The following GRM7 variants were observed in gnomAD, a reference collection of about 807,000 sequenced individuals.
The protein encoded by GRM7 is glutamate metabotropic receptor 7, also known as metabotropic glutamate receptor 7.
In GRM7, 35 loss-of-function variants were observed where a neutral mutation model predicts 84.5. That is an observed-to-expected ratio of 0.41 (90% CI 0.32 to 0.55). The LOEUF (loss-of-function observed/expected upper bound fraction) is 0.55. Ranked by LOEUF, GRM7 falls within the 20% of genes least tolerant of loss-of-function variation. GRM7 has a pLI of 0.19. For synonymous variants in GRM7, 487 were observed against 455.1 expected (o/e 1.07, Z -0.89); for missense variants, 1,003 against 1,194.6 (o/e 0.84, Z 2.36).
At chr3:7,111,786 A>G (rs1243473867) in intron 1 of GRM7, among the ~76,000 whole-genome samples, 1 of 152,156 alleles carries the variant, frequency 6.6e-6, no homozygotes, top group Non-Finnish European at 1.5e-5. Flanking sequence ...CATTTTGGGA[A>G]AAAATCATTT....
intron 5 of GRM7, among the ~76,000 whole-genome samples, chr3:7,432,443 C>T (rs952118270): frequency 1.4e-4 from 21 of 152,246 alleles, no homozygotes; most frequent in African/African-American, 4.3e-4. Context: ...GCCTCAGCCT[C>T]CCGAGTAGCT....
At chr3:6,964,337 T>C (rs1440896488) in intron 1 of GRM7, among the ~76,000 whole-genome samples, 2 of 152,106 alleles carry the variant, frequency 1.3e-5, no homozygotes, top group Non-Finnish European at 2.9e-5. Context: ...TATCATTGTA[T>C]CCTCACTTGG....
chr3:7,042,355 C>A (rs1258842528), intron 1 of GRM7, among the ~76,000 whole-genome samples: 1 of 152,102 alleles, frequency 6.6e-6, no homozygotes, highest in Non-Finnish European at 1.5e-5. Flanking sequence ...GATCACAGGG[C>A]ACAGAAGTAT....
rs957540837 is a variant in GRM7 at position 7,277,183 on chromosome 3, C to T, written c.737-21501C>T. Among the ~76,000 whole-genome samples the T allele has an allele frequency of 7.9e-5, 12 of 152,122 alleles. No homozygotes were observed. In the South Asian group the frequency reaches 1.5e-3, roughly 18 times the overall value. ...CAATTTTAACCTCAGATTGCTTTCTCACAAAGACTTTATCCTTTCACACTT... is the reference window on the plus strand; with the variant it reads ...CAATTTTAACCTCAGATTGCTTTCTTACAAAGACTTTATCCTTTCACACTT... On this transcript the variant is annotated intron_variant, in intron 2 of 9. Coordinates refer to ENST00000357716, the MANE Select transcript of GRM7 (RefSeq NM_000844.4).
intron 2 of GRM7, among the ~76,000 whole-genome samples, chr3:7,286,225 T>G (rs1699426461): frequency 6.6e-6 from 1 of 152,180 alleles, no homozygotes; most frequent in African/African-American, 2.4e-5. Context: ...GATTACATGT[T>G]TTTCTTAATA....
intron 7 of GRM7, among the ~76,000 whole-genome samples, chr3:7,531,314 G>T (rs1335170951): frequency 6.6e-6 from 1 of 151,972 alleles, no homozygotes; most frequent in Non-Finnish European, 1.5e-5. Flanking sequence ...TCTCTGTTTT[G>T]GTACCAGTAC....
intron 6 of GRM7, among the ~76,000 whole-genome samples, chr3:7,454,664 A>C (rs966985811): frequency 6.6e-6 from 1 of 152,132 alleles, no homozygotes; most frequent in Non-Finnish European, 1.5e-5. Flanking sequence ...ATAATTATAT[A>C]TATTGCGGAT....
intron 1 of GRM7, among the ~76,000 whole-genome samples, chr3:7,016,877 C>A (rs1695585425): frequency 6.6e-6 from 1 of 152,162 alleles, no homozygotes; most frequent in South Asian, 2.1e-4. Context: ...AGAATCTAGA[C>A]TCTGGCAATT....
intron 4 of GRM7, among the ~76,000 whole-genome samples, chr3:7,403,956 C>T (rs1043511204): frequency 3.3e-5 from 5 of 151,876 alleles, no homozygotes; most frequent in African/African-American, 1.2e-4. Context: ...TGAAATTGCA[C>T]AATCGTATAG....
At chr3:6,929,224 G>GCAT (rs1697410425) in intron 1 of GRM7, among the ~76,000 whole-genome samples, 1 of 152,092 alleles carries the variant, frequency 6.6e-6, no homozygotes, top group African/African-American at 2.4e-5. Context: ...GCAAGAGGGC[G>GCAT]CATATTCATT....
In GRM7 at chr3:7,561,529, T is replaced by G. The variant is rs73809212; in HGVS notation, c.1516-16893T>G. 3,396 of 456,582 alleles carry G rather than the reference T, an allele frequency of 7.4e-3. 68 individuals are homozygous for G. Among genetic ancestry groups the G allele is most frequent in the South Asian group, 0.038 (2,430 of 64,550 alleles). 28.3% of individuals were successfully genotyped at this position (456,582 alleles called of 1,614,324 possible). On this transcript the variant is annotated intron_variant, in intron 7 of 9. Transcript: ENST00000357716. ...GACCATTTGTGCCTGCTACAGAATG[T>G]TGGCATGGAAAGTCCTTCCAGGACA...
intron 2 of GRM7, among the ~76,000 whole-genome samples, chr3:7,278,751 T>A (rs1425039109): frequency 6.6e-6 from 1 of 151,986 alleles, no homozygotes; most frequent in East Asian, 1.9e-4. Context: ...AGTATAGGAG[T>A]GAATCTGCAA....
At chr3:7,087,646 G>A (rs1698506676) in intron 1 of GRM7, among the ~76,000 whole-genome samples, 1 of 152,122 alleles carries the variant, frequency 6.6e-6, no homozygotes, top group South Asian at 2.1e-4. Context: ...AAAGCCTTCA[G>A]TACAGAGATG....
chr3:7,297,401 A>G (rs1699850539), intron 2 of GRM7, among the ~76,000 whole-genome samples: 1 of 152,208 alleles, frequency 6.6e-6, no homozygotes, highest in Admixed American at 6.5e-5. Flanking sequence ...TATGGCTCAA[A>G]ATATGGTCTA....
chr3:6,893,691 A>G (rs1225588977), intron 1 of GRM7, among the ~76,000 whole-genome samples: 2 of 152,190 alleles, frequency 1.3e-5, no homozygotes, highest in Admixed American at 6.6e-5. Flanking sequence ...AACATTTACT[A>G]ACACCCACAC....
intron 7 of GRM7, among the ~76,000 whole-genome samples, chr3:7,507,846 C>T (rs369389655): frequency 3.0e-4 from 46 of 152,012 alleles, no homozygotes; most frequent in Non-Finnish European, 3.4e-4. Context: ...ATTTTTATGC[C>T]TTAATGTGGT....
chr3:7,731,433 A>G (rs1702328267), intron 9 of GRM7, among the ~76,000 whole-genome samples: 1 of 152,228 alleles, frequency 6.6e-6, no homozygotes, highest in Non-Finnish European at 1.5e-5. Flanking sequence ...TGCAAAAGTT[A>G]TATCAGTGAG....
At chr3:7,568,233 A>G (rs1309279660) in intron 7 of GRM7, among the ~76,000 whole-genome samples, 1 of 151,760 alleles carries the variant, frequency 6.6e-6, no homozygotes, top group Non-Finnish European at 1.5e-5. Context: ...TCAATAGTGC[A>G]TCACAATATC....
rs530265063 is a variant in GRM7 at position 7,299,060 on chromosome 3, A to C, written c.878+235A>C. On this transcript the variant is annotated intron_variant, in intron 3 of 9. Transcript: ENST00000357716. ...AATTATTTGTAAAAACAGAAAAAAA[A>C]CTCTAGATCTTTTAAAGGTGCTTTT... 3.3e-5 allele frequency among the ~76,000 whole-genome samples: 5 copies of C among 152,226 alleles called. No homozygotes were observed. The East Asian group carries it at 5.8e-4, about 18-fold the overall frequency.
Sources: allele counts gnomAD v4.1 joint callset (sites outside exome capture counted in the v4.1 genomes callset), GRCh38; gene constraint gnomAD v4.1.1; transcripts MANE v1.5; gene names NCBI Gene and HGNC (gene_info 2026-07-23, HGNC 2026-07-21).